PPIL6: variants seen among roughly 807,000 people sequenced by gnomAD.
PPIL6 encodes probable inactive peptidyl-prolyl cis-trans isomerase-like 6.
PPIL6 carries 39 observed loss-of-function variants against 36.8 expected under a neutral mutation model. That is an observed-to-expected ratio of 1.06 (90% CI 0.82 to 1.38). PPIL6 has a LOEUF of 1.38. Ranked by LOEUF, PPIL6 falls within the 40% of genes most tolerant of loss-of-function variation. PPIL6 has a pLI of 0.00. For missense variants in PPIL6, 368 were observed against 379.1 expected (o/e 0.97, Z 0.24); for synonymous variants, 123 against 134.1 (o/e 0.92, Z 0.57).
In PPIL6 at chr6:109,391,829, C is replaced by T. The variant is rs1432635842; in HGVS notation, c.*997G>A. The T allele has an allele frequency of 6.6e-6, 1 of 152,082 alleles. No individual in the cohort carries two copies. Among genetic ancestry groups the T allele is most frequent in the African/African-American group, 2.4e-5 (1 of 41,412 alleles). 9.4% of individuals were successfully genotyped at this position (152,082 alleles called of 1,614,324 possible). A position where few individuals can be genotyped will look rare whatever the true frequency, so the allele number is the denominator to read the frequency against. On this transcript the variant is annotated 3_prime_UTR_variant, in exon 8 of 8. Transcript: ENST00000521072. ...ATGTTCATGTCATATATGAAAACAT[C>T]CAAAGTGTAGATACTCTTTCTGAAT...
chr6:109,437,247 T>C (rs1297519303), intron 1 of PPIL6, among the ~76,000 whole-genome samples: 1 of 152,168 alleles, frequency 6.6e-6, no homozygotes, highest in Non-Finnish European at 1.5e-5. Flanking sequence ...GGGAAGTAGA[T>C]GGACCAAAGG....
chr6:109,399,729 A>G (rs1222201138), intron 7 of PPIL6, among the ~76,000 whole-genome samples: 1 of 151,912 alleles, frequency 6.6e-6, no homozygotes, highest in African/African-American at 2.4e-5. Flanking sequence ...TTTTGTAGAG[A>G]TGGGGTCTCG....
chr6:109,392,664 G>T lies in PPIL6; in HGVS notation c.*162C>A. 1 of 572,336 alleles carries T rather than the reference G, an allele frequency of 1.7e-6. No homozygotes were observed. Among genetic ancestry groups the T allele is most frequent in the Non-Finnish European group, 3.1e-6 (1 of 325,402 alleles). 35.5% of individuals were successfully genotyped at this position (572,336 alleles called of 1,614,324 possible). Reference sequence around the variant, plus strand: ...ACCCTTTCACAGTCTCTATGACAGAGACAGGAAAGGAAGATGGGGAGGGAT... The same window carrying T: ...ACCCTTTCACAGTCTCTATGACAGATACAGGAAAGGAAGATGGGGAGGGAT... On this transcript the variant is annotated 3_prime_UTR_variant, in exon 8 of 8. Transcript: ENST00000521072.
chr6:109,427,257 A>T (rs1773873206), intron 3 of PPIL6, 101 bp from the exon 4 acceptor site: 4 of 701,260 alleles, frequency 5.7e-6, no homozygotes, highest in Non-Finnish European at 9.8e-6. Context: ...TTTAGTGAAA[A>T]GATTTCAATA....
In PPIL6 at chr6:109,436,176, G is replaced by C; in HGVS notation, c.159C>G (p.Ser53=). 1 of 1,562,792 alleles carries C rather than the reference G, an allele frequency of 6.4e-7. No homozygotes were observed. The highest frequency in any genetic ancestry group is 2.2e-5 in the East Asian group (1 of 44,608). Residue 53 remains serine (S), a synonymous_variant, in exon 2 of 8, where the codon TCC becomes TCG. Transcript: ENST00000521072. ...GAACTAATATAGGATCTTCAAATTT[G>C]GATGGATGATTATTCTTCAGATTCT... ...AAENLKNNHP[S]KFEDPILVPL...
chr6:109,435,864 G>A (rs1201670035), intron 2 of PPIL6, among the ~76,000 whole-genome samples: 3 of 152,146 alleles, frequency 2.0e-5, no homozygotes, highest in African/African-American at 2.4e-5. Flanking sequence ...GGTTGAAGCT[G>A]CAGTGAGCCA....
chr6:109,440,698 G>T, upstream of PPIL6: 1 of 892,748 alleles, frequency 1.1e-6, no homozygotes, highest in Non-Finnish European at 1.4e-6. Context: ...GGCGGGTCGA[G>T]GGCGGCCCGT....
chr6:109,437,798 G>C (rs1274249730), intron 1 of PPIL6, among the ~76,000 whole-genome samples: 1 of 152,064 alleles, frequency 6.6e-6, no homozygotes, highest in African/African-American at 2.4e-5. Context: ...TTGAACTCCT[G>C]ACCTTAGGCG....
intron 6 of PPIL6, among the ~76,000 whole-genome samples, chr6:109,416,506 T>A (rs901808316): frequency 7.8e-6 from 1 of 128,300 alleles, no homozygotes; most frequent in African/African-American, 3.2e-5. Flanking sequence ...CCTGGCCTTT[T>A]TGTGGCTTTT....
chr6:109,409,291 G>A (rs950236045), intron 6 of PPIL6, among the ~76,000 whole-genome samples: 1 of 152,204 alleles, frequency 6.6e-6, no homozygotes, highest in South Asian at 2.1e-4. Context: ...GTCAGGTGCG[G>A]TGGCTCACGC....
At chr6:109,431,466 T>C (rs1051711514) in intron 2 of PPIL6, 121 bp from the exon 3 acceptor site, 1 of 543,870 alleles carries the variant, frequency 1.8e-6, no homozygotes, top group Non-Finnish European at 2.9e-6. Flanking sequence ...TAGTATTGAA[T>C]CTTTTAAAAA....
At chr6:109,396,714 C>T (rs146023253) in intron 7 of PPIL6, among the ~76,000 whole-genome samples, 24 of 151,974 alleles carry the variant, frequency 1.6e-4, no homozygotes, top group East Asian at 1.4e-3. Context: ...AATGGGTGCA[C>T]GTGAATGGAG....
chr6:109,432,750 G>A (rs764733659), intron 2 of PPIL6, among the ~76,000 whole-genome samples: 1 of 151,748 alleles, frequency 6.6e-6, no homozygotes, highest in Non-Finnish European at 1.5e-5. Flanking sequence ...GTGAGCCACT[G>A]TAACCCGCCA....
intron 6 of PPIL6, among the ~76,000 whole-genome samples, chr6:109,412,389 A>C (rs1285910866): frequency 6.6e-6 from 1 of 152,232 alleles, no homozygotes; most frequent in Non-Finnish European, 1.5e-5. Flanking sequence ...TAGAAAAAAC[A>C]ATCCTAAAAT....
chr6:109,393,205 C>T (rs534173130), intron 7 of PPIL6, among the ~76,000 whole-genome samples: 1 of 149,394 alleles, frequency 6.7e-6, no homozygotes, highest in East Asian at 2.0e-4. Flanking sequence ...CTGTTTTTCT[C>T]CCTGCAGTCA....
At position 109,392,951 on chromosome 6, in the gene PPIL6, A is replaced by C. The variant is rs751477946; in HGVS notation, c.825-14T>G. ...TCAATCAGTTGCCTACATAGGAGAA[A>C]AAAATGGAAAATTTAGTCAGTCATA... On this transcript the variant is annotated splice_polypyrimidine_tract_variant and intron_variant, in intron 7 of 7. Transcript: ENST00000521072. 1.3e-6 allele frequency: 2 copies of C among 1,503,338 alleles called. No individual in the cohort carries two copies. The highest frequency in any genetic ancestry group is 1.8e-6 in the Non-Finnish European group (2 of 1,097,366). 93.1% of individuals were successfully genotyped at this position (1,503,338 alleles called of 1,614,324 possible).
chr6:109,435,218 C>T (rs1774378061), intron 2 of PPIL6, among the ~76,000 whole-genome samples: 1 of 152,074 alleles, frequency 6.6e-6, no homozygotes, highest in South Asian at 2.1e-4. Flanking sequence ...GGGTAACTAA[C>T]CATCATCAGC....
At chr6:109,438,907 C>G (rs1165301980) in intron 1 of PPIL6, among the ~76,000 whole-genome samples, 1 of 152,170 alleles carries the variant, frequency 6.6e-6, no homozygotes, top group Non-Finnish European at 1.5e-5. Context: ...TCTAAAAAAT[C>G]AAAAGAATTG....
chr6:109,396,936 T>A (rs1276908271), intron 7 of PPIL6, among the ~76,000 whole-genome samples: 1 of 151,714 alleles, frequency 6.6e-6, no homozygotes, highest in Non-Finnish European at 1.5e-5. Flanking sequence ...TTGCTAACCA[T>A]GTCTGGGCTT....
Sources: allele counts gnomAD v4.1 joint callset (sites outside exome capture counted in the v4.1 genomes callset), GRCh38; gene constraint gnomAD v4.1.1; transcripts MANE v1.5; gene names NCBI Gene and HGNC (gene_info 2026-07-23, HGNC 2026-07-21).